Variants in DGKG observed in about 807,000 individuals in gnomAD.
The protein encoded by DGKG is DAG kinase gamma.
DGKG carries 78 observed loss-of-function variants against 105.3 expected under a neutral mutation model. That is an observed-to-expected ratio of 0.74 (90% confidence interval 0.62 to 0.89). The LOEUF (loss-of-function observed/expected upper bound fraction) is 0.89. Ranked by LOEUF, DGKG falls within the 40% of genes least tolerant of loss-of-function variation. DGKG has a pLI of 0.00. For synonymous variants in DGKG, 346 were observed against 367.1 expected, an observed-to-expected ratio of 0.94 and a Z score of 0.66; for missense variants, 958 against 1,020.1, an observed-to-expected ratio of 0.94 and a Z score of 0.83.
chr3:186,314,753 CAA>C (rs1161706511), intron 2 of DGKG, among the ~76,000 whole-genome samples: 4,413 of 62,474 alleles, frequency 0.071, 164 homozygotes, highest in African/African-American at 0.2. Flanking sequence ...GACTCCGTCT[CAA>C]AAAAAAAAAA....
chr3:186,274,284 C>T (rs1722471160), intron 10 of DGKG, among the ~76,000 whole-genome samples: 1 of 152,144 alleles, frequency 6.6e-6, no homozygotes, highest in Admixed American at 6.5e-5. Flanking sequence ...GCCTCCTGGG[C>T]TCGAGTGATC....
In DGKG at chr3:186,210,536, C is replaced by A; in HGVS notation, c.1917+1259G>T. The A allele has an allele frequency of 2.2e-6, 1 of 448,672 alleles. No individual in the cohort carries two copies. 27.8% of individuals were successfully genotyped at this position (448,672 alleles called of 1,614,324 possible). On this transcript the variant is annotated intron_variant, in intron 21 of 24. Transcript: ENST00000265022. This position sits in a 1 kb window ranked among gnomAD's most constrained non-coding sequence, Gnocchi z 5.2. The stretch of plus-strand genomic sequence containing the variant: ...TCCCACCCTGGCGTTGGTAACCCAG[C>A]AACCGAAGAGGAGAGGCAGGCAGAT...
chr3:186,165,919 C>T lies in DGKG; in HGVS notation c.2096-901G>A, dbSNP rs1716520522. Among the ~76,000 whole-genome samples, 4 of 152,310 alleles carry T rather than the reference C, an allele frequency of 2.6e-5. No individual in the cohort carries two copies. The East Asian group carries it at 7.7e-4, about 29-fold the overall frequency. ...AAAAGCTTTCCATTCCTTTGCCTAC[C>T]AAGGCAAGAGTAGCTTTCTCATAAG... On this transcript the variant is annotated intron_variant, in intron 22 of 24. Transcript: ENST00000265022.
chr3:186,150,125 A>C lies in DGKG; in HGVS notation c.2341T>G (p.Phe781Val), dbSNP rs1290853318. The change falls in exon 25 of 25, where the codon TTC (phenylalanine) becomes GTC (valine). Residue 781 changes from phenylalanine to valine, a missense_variant. Phe to Val is a conservative substitution (Grantham distance 50). Around this residue, in one of 2 missense-constraint regions of DGKG, gnomAD observed 315 missense variants for 400.6 expected, o/e 0.79. Coordinates refer to ENST00000265022, the MANE Select transcript of DGKG (RefSeq NM_001346.3). ...GAACGGCTCTTCCTTCTCAACGAGAAGAAGCTGCTCTTCTGGGGAGGCCCC... is the reference window on the plus strand; with the variant it reads ...GAACGGCTCTTCCTTCTCAACGAGACGAAGCTGCTCTTCTGGGGAGGCCCC... ...MMGPPQKSSF[F>V]SLRRKSRSKD 1.9e-6 allele frequency: 3 copies of C among 1,613,736 alleles called. No individual in the cohort carries two copies. The African/African-American group carries it at 4.0e-5, about 22-fold the overall frequency.
rs1342096350 is a variant in DGKG at position 186,165,604 on chromosome 3, T to G, written c.2096-586A>C. Among the ~76,000 whole-genome samples, 3 of 152,150 alleles carry G rather than the reference T, an allele frequency of 2.0e-5. No individual in the cohort carries two copies. The East Asian group carries it at 5.8e-4, about 29-fold the overall frequency. ...TAATCCAAGCCAAGGAAAAGAACAT[T>G]TCACCAACATCAGAGTCTGTGAGCC... On this transcript the variant is annotated intron_variant, in intron 22 of 24. Coordinates refer to ENST00000265022, the MANE Select transcript of DGKG (RefSeq NM_001346.3).
chr3:186,149,219 G>GA lies in DGKG; in HGVS notation c.*870dup, dbSNP rs1715641237. The GA allele has an allele frequency of 9.1e-6, 9 of 984,540 alleles. No homozygotes were observed. Among genetic ancestry groups the GA allele is most frequent in the Non-Finnish European group, 1.1e-5 (9 of 829,676 alleles). The allele number at this position is 984,540 out of a possible 1,614,324, so 61.0% of individuals were successfully genotyped here. ...AGGAAACACGCTTTGGCTTGAAAAA[G>GA]AAAGAAGCTGGGGGTGGTTTTTTTT... On this transcript the variant is annotated 3_prime_UTR_variant, in exon 25 of 25. Coordinates refer to ENST00000265022, the MANE Select transcript of DGKG (RefSeq NM_001346.3).
At chr3:186,213,556 A>T (rs906321252) in intron 20 of DGKG, among the ~76,000 whole-genome samples, 2 of 152,252 alleles carry the variant, frequency 1.3e-5, no homozygotes, top group Non-Finnish European at 2.9e-5. Context: ...TTAGGGCCCA[A>T]GATTCCTCAT....
At chr3:186,316,176 A>G (rs1179253421) in intron 2 of DGKG, among the ~76,000 whole-genome samples, 1 of 152,222 alleles carries the variant, frequency 6.6e-6, no homozygotes, top group Non-Finnish European at 1.5e-5. Context: ...TGGAGCAGAG[A>G]TGAGTCATGC....
intron 21 of DGKG, among the ~76,000 whole-genome samples, chr3:186,197,032 G>A (rs76586738): frequency 0.032 from 4,857 of 152,192 alleles, 195 homozygotes; most frequent in African/African-American, 0.093. Flanking sequence ...GAGGAAGTTG[G>A]GATGCCTAGG....
chr3:186,184,147 A>G (rs972462280), intron 22 of DGKG, among the ~76,000 whole-genome samples: 7 of 151,692 alleles, frequency 4.6e-5, no homozygotes, highest in African/African-American at 1.7e-4. Context: ...TGAGCTTATT[A>G]TACTATGTTC....
At chr3:186,162,192 G>A (rs1013388470) in intron 23 of DGKG, among the ~76,000 whole-genome samples, 1 of 152,198 alleles carries the variant, frequency 6.6e-6, no homozygotes, top group Admixed American at 6.5e-5. Context: ...CACTGCGCTC[G>A]GCCGGGTCTG....
chr3:186,335,988 C>T (rs540166512), intron 1 of DGKG, among the ~76,000 whole-genome samples: 80 of 152,322 alleles, frequency 5.3e-4, no homozygotes, highest in Non-Finnish European at 9.3e-4. Flanking sequence ...CTCCCAGATA[C>T]TTGGGAGTGG....
intron 21 of DGKG, among the ~76,000 whole-genome samples, chr3:186,195,054 G>A (rs1298935752): frequency 6.6e-6 from 1 of 152,024 alleles, no homozygotes; most frequent in Non-Finnish European, 1.5e-5. Flanking sequence ...GCAGTGAGCT[G>A]AGATCGCGCC....
intron 20 of DGKG, among the ~76,000 whole-genome samples, chr3:186,240,277 C>T (rs1310592839): frequency 6.6e-6 from 1 of 152,166 alleles, no homozygotes; most frequent in African/African-American, 2.4e-5. Context: ...TTGGTTTTTG[C>T]TCCCATAGGT....
intron 1 of DGKG, among the ~76,000 whole-genome samples, chr3:186,324,890 T>C (rs1725261798): frequency 6.6e-6 from 1 of 152,232 alleles, no homozygotes; most frequent in African/African-American, 2.4e-5. Context: ...CGTGCACTCA[T>C]ATGTTCATCA....
chr3:186,297,060 T>C (rs901964495), intron 5 of DGKG, among the ~76,000 whole-genome samples: 3 of 18,978 alleles, frequency 1.6e-4, no homozygotes, highest in African/African-American at 4.3e-4. Context: ...TCTGTCTGTC[T>C]GTCTCTCTCA....
intron 24 of DGKG, among the ~76,000 whole-genome samples, chr3:186,152,917 C>T (rs1485915987): frequency 6.6e-6 from 1 of 151,352 alleles, no homozygotes; most frequent in Non-Finnish European, 1.5e-5. Context: ...CCGTGTCGGC[C>T]TCCCAAAGTG....
intron 22 of DGKG, among the ~76,000 whole-genome samples, chr3:186,180,787 G>A (rs1717323288): frequency 6.6e-6 from 1 of 152,226 alleles, no homozygotes; most frequent in Admixed American, 6.5e-5. Flanking sequence ...TCACCTGGGA[G>A]TATGAATCTG....
chr3:186,349,285 T>C (rs949850913), intron 1 of DGKG, among the ~76,000 whole-genome samples: 2 of 152,186 alleles, frequency 1.3e-5, no homozygotes, highest in Admixed American at 6.5e-5. Context: ...GCCTCCGTTT[T>C]CCCCTCATTA....
Sources: allele counts gnomAD v4.1 joint callset (sites outside exome capture counted in the v4.1 genomes callset), GRCh38; gene constraint gnomAD v4.1.1; regional missense constraint gnomAD v4.1.1; non-coding constraint Gnocchi (gnomAD v3.1); transcripts MANE v1.5; gene names NCBI Gene and HGNC (gene_info 2026-07-23, HGNC 2026-07-21).